The following POLN variants were observed in gnomAD, a reference collection of about 807,000 sequenced individuals.
The protein encoded by POLN is DNA polymerase nu.
In POLN, 108 loss-of-function variants were observed where a neutral mutation model predicts 113.5. The observed-to-expected ratio is 0.95, with a 90% confidence interval of 0.81 to 1.12. The LOEUF is 1.12. Among genes scored for constraint, POLN ranks in the 50% most tolerant of loss-of-function variants. POLN has a pLI of 0.00. For synonymous variants in POLN, 386 were observed against 391.5 expected (o/e 0.99, Z 0.17); for missense variants, 1,097 against 1,077.1 (o/e 1.02, Z -0.26).
At chr4:2,130,311 G>A (rs1312498020) in intron 17 of POLN, among the ~76,000 whole-genome samples, 3 of 148,078 alleles carry the variant, frequency 2.0e-5, no homozygotes, top group African/African-American at 7.4e-5. Context: ...GGAGGGGAGG[G>A]GAGGGGAGAG....
Position 2,093,830 on chromosome 4 carries a change from T to A in POLN, c.2065+2021A>T, listed in dbSNP as rs1334748371. Among the ~76,000 whole-genome samples, 1 of 152,214 alleles carries A rather than the reference T, an allele frequency of 6.6e-6. No homozygotes were observed. Among genetic ancestry groups the A allele is most frequent in the Non-Finnish European group, 1.5e-5 (1 of 68,044 alleles). On this transcript the variant is annotated intron_variant, in intron 20 of 25. Transcript: ENST00000511885. This position sits in a 1 kb window ranked among gnomAD's most constrained non-coding sequence, Gnocchi z 4.1. ...CTTAGTCTATTTTCCAAAAACCATG[T>A]ATACAATCAAAATGTTTTCAAAAGT...
chr4:2,165,058 C>T (rs1281068455), intron 13 of POLN, among the ~76,000 whole-genome samples: 2 of 152,092 alleles, frequency 1.3e-5, no homozygotes, highest in African/African-American at 4.8e-5. Context: ...TCATTTCATC[C>T]AGCAATCATA....
intron 13 of POLN, among the ~76,000 whole-genome samples, chr4:2,167,527 G>T (rs1036521199): frequency 6.6e-6 from 1 of 152,160 alleles, no homozygotes; most frequent in Admixed American, 6.5e-5. Context: ...AGCCCACGAG[G>T]AGCATCTGAG....
chr4:2,096,714 GAGAGAGAGAGAGAGAGAC>G (rs1730802321), intron 19 of POLN, among the ~76,000 whole-genome samples: 1 of 151,702 alleles, frequency 6.6e-6, no homozygotes, highest in South Asian at 2.1e-4. Context: ...GAGAGAGAGA[GAGAGAGAGAGAGAGAGAC>G]ACACAGAGAG....
At chr4:2,192,215 C>T (rs965187983) in intron 7 of POLN, among the ~76,000 whole-genome samples, 3 of 151,292 alleles carry the variant, frequency 2.0e-5, no homozygotes, top group Non-Finnish European at 2.9e-5. Context: ...ATAAAAAGGG[C>T]TTTTTCCAAC....
chr4:2,223,760 T>C (rs1369366644), intron 3 of POLN, among the ~76,000 whole-genome samples: 4 of 152,300 alleles, frequency 2.6e-5, no homozygotes, highest in East Asian at 1.9e-4. Context: ...TATCTAAACA[T>C]AGGTAAAAAT....
At chr4:2,077,806 C>T (rs567610239) in intron 23 of POLN, among the ~76,000 whole-genome samples, 6 of 152,310 alleles carry the variant, frequency 3.9e-5, no homozygotes, top group South Asian at 4.1e-4. Flanking sequence ...GACATGACCG[C>T]GCTTCTAACT....
chr4:2,202,078 C>T (rs1368571551), intron 5 of POLN, among the ~76,000 whole-genome samples: 1 of 151,936 alleles, frequency 6.6e-6, no homozygotes, highest in African/African-American at 2.4e-5. Context: ...CTCTTTAAAG[C>T]ATACATTTCA....
chr4:2,072,840 T>C, intron 25 of POLN, 128 bp downstream of exon 25: 1 of 949,200 alleles, frequency 1.1e-6, no homozygotes, highest in Non-Finnish European at 1.6e-6. Flanking sequence ...TCCACGGCTG[T>C]GCCTGCTGTG....
At chr4:2,125,215 A>G (rs1166464457) in intron 19 of POLN, among the ~76,000 whole-genome samples, 1 of 152,212 alleles carries the variant, frequency 6.6e-6, no homozygotes, top group Non-Finnish European at 1.5e-5. Flanking sequence ...CCAGGCACAC[A>G]GGTCTAGACA....
chr4:2,173,182 G>C (rs954988686), intron 11 of POLN, among the ~76,000 whole-genome samples: 6 of 152,198 alleles, frequency 3.9e-5, no homozygotes, highest in Admixed American at 1.3e-4. Flanking sequence ...TTCTGATAGG[G>C]AAAGCACACA....
At chr4:2,241,411 A>T in intron 2 of POLN, 109 bp downstream of exon 2, 2 of 801,070 alleles carry the variant, frequency 2.5e-6, no homozygotes, top group Non-Finnish European at 3.0e-6. Flanking sequence ...AATGGATCCA[A>T]ACAAACCCAA....
intron 19 of POLN, among the ~76,000 whole-genome samples, chr4:2,098,480 C>T (rs1016444052): frequency 1.2e-4 from 18 of 152,114 alleles, no homozygotes; most frequent in African/African-American, 4.1e-4. Flanking sequence ...TTAAACTTAA[C>T]CAAATGAAAA....
At chr4:2,177,981 C>T (rs1042403650) in intron 8 of POLN, among the ~76,000 whole-genome samples, 1 of 152,260 alleles carries the variant, frequency 6.6e-6, no homozygotes, top group African/African-American at 2.4e-5. Flanking sequence ...ACTGCCTTTC[C>T]TCTGATTCTG....
At chr4:2,096,702 G>C (rs922649545) in intron 19 of POLN, among the ~76,000 whole-genome samples, 47 of 151,208 alleles carry the variant, frequency 3.1e-4, no homozygotes, top group African/African-American at 1.1e-3. Context: ...GAGAGAGAGA[G>C]AGAGAGAGAG....
At chr4:2,129,783 G>C (rs1208969109) in intron 17 of POLN, among the ~76,000 whole-genome samples, 1 of 152,072 alleles carries the variant, frequency 6.6e-6, no homozygotes, top group Non-Finnish European at 1.5e-5. Flanking sequence ...AATTCTTAAT[G>C]AAGAAAAGAA....
chr4:2,120,499 A>AT (rs925442593), intron 19 of POLN, among the ~76,000 whole-genome samples: 156 of 146,578 alleles, frequency 1.1e-3, no homozygotes, highest in East Asian at 3.8e-3. Context: ...CTATAGAGTG[A>AT]TTTTTTTTTT....
chr4:2,214,188 A>ACTTATAGTTTAAT (rs1734059096), intron 3 of POLN, among the ~76,000 whole-genome samples: 1 of 152,082 alleles, frequency 6.6e-6, no homozygotes, highest in African/African-American at 2.4e-5. Flanking sequence ...GTGAGCCGAG[A>ACTTATAGTTTAAT]TTGCGCCACT....
chr4:2,091,300 C>T (rs559471892), intron 20 of POLN, among the ~76,000 whole-genome samples: 1 of 152,184 alleles, frequency 6.6e-6, no homozygotes, highest in Admixed American at 6.5e-5. Context: ...ATGGAGCTGT[C>T]GGGATCTCTG....
Sources: gnomAD v4.1 joint callset for allele counts (sites outside exome capture counted in the v4.1 genomes callset) on GRCh38, gnomAD v4.1.1 for gene constraint, Gnocchi (gnomAD v3.1) non-coding constraint, MANE v1.5 for transcripts, NCBI Gene and HGNC (gene_info 2026-07-23, HGNC 2026-07-21) for gene names.